Variants in ASIP observed in about 807,000 individuals in gnomAD.
The protein encoded by ASIP is agouti signaling protein, also known as agouti-signaling protein.
A neutral mutation model predicts 10.3 loss-of-function variants in ASIP; 11 were observed. The ratio of observed to expected loss-of-function variants is 1.07; its 90% CI spans 0.68 to 1.78. The LOEUF (loss-of-function observed/expected upper bound fraction) is 1.78, where lower values mean the gene tolerates loss of function less well. Among genes scored for constraint, ASIP ranks in the 40% most tolerant of loss-of-function variants. The probability of loss-of-function intolerance (pLI) is 0.00; values close to 1 mark genes in which losing one functional copy is unlikely to be tolerated. For missense variants in ASIP, 180 were observed against 169.2 expected (o/e 1.06, Z -0.35); for synonymous variants, 70 against 70.8 (o/e 0.99, Z 0.06).
At chr20:34,234,014 G>T (rs988145106) in intron 1 of ASIP, among the ~76,000 whole-genome samples, 5 of 152,198 alleles carry the variant, frequency 3.3e-5, no homozygotes, top group African/African-American at 1.2e-4. Context: ...GGCATGTAGT[G>T]GTAGCTTCTG....
chr20:34,252,395 A>C (rs985210759), intron 1 of ASIP, among the ~76,000 whole-genome samples: 4 of 152,212 alleles, frequency 2.6e-5, no homozygotes, highest in Admixed American at 6.5e-5. Flanking sequence ...ATCATGAGTA[A>C]GTTCAAGGAA....
intron 1 of ASIP, among the ~76,000 whole-genome samples, chr20:34,258,696 C>CTA (rs1172839433): frequency 0.02 from 238 of 11,642 alleles, 3 homozygotes; most frequent in Non-Finnish European, 0.046. Flanking sequence ...TATATACATA[C>CTA]TATATATATA....
chr20:34,235,891 AAGGAAGGAAAGGAAGG>A (rs1234686591), intron 1 of ASIP, among the ~76,000 whole-genome samples: 1 of 97,662 alleles, frequency 1.0e-5, no homozygotes, highest in East Asian at 3.6e-4. Flanking sequence ...GGAAGGAAGG[AAGGAAGGAAAGGAAGG>A]AAGGAAGGAA....
At chr20:34,262,566 G>C (rs2122667056) in intron 2 of ASIP, among the ~76,000 whole-genome samples, 1 of 152,338 alleles carries the variant, frequency 6.6e-6, no homozygotes, top group South Asian at 2.1e-4. Context: ...GGCCCCACAA[G>C]AGTGTCACAG....
rs34524786 is a variant in ASIP at position 34,196,173 on chromosome 20, C to CTTTT, written c.-11+1434_-11+1437dup. Among the ~76,000 whole-genome samples the CTTTT allele has an allele frequency of 1.7e-3, 140 of 83,674 alleles. 5 individuals carry two copies. The highest frequency in any genetic ancestry group is 4.4e-3 in the African/African-American group (90 of 20,330). The allele number at this position is 83,674 out of a possible 152,430, so 54.9% of individuals were successfully genotyped here. ...GAACTCTCATTGAAAAGGGAGATTT[C>CTTTT]TTTTTTTTTTTTTTTTTTTTTTTTG... On this transcript the variant is annotated intron_variant, in intron 1 of 3. Coordinates refer to the ASIP transcript ENST00000568305.
chr20:34,241,340 G>A (rs1568759136), upstream of ASIP: 1 of 559,782 alleles, frequency 1.8e-6, no homozygotes, highest in Non-Finnish European at 2.3e-6. Context: ...TCCTGCCTGT[G>A]AGATGTGGTG....
chr20:34,217,226 G>A (rs1601575577), intron 1 of ASIP, among the ~76,000 whole-genome samples: 2 of 152,038 alleles, frequency 1.3e-5, no homozygotes, highest in South Asian at 4.2e-4. Context: ...TCACTTGAGC[G>A]CAGGAATTCA....
At chr20:34,220,452 C>T (rs553848804) in intron 1 of ASIP, among the ~76,000 whole-genome samples, 5 of 152,024 alleles carry the variant, frequency 3.3e-5, no homozygotes, top group South Asian at 2.1e-4. Flanking sequence ...AAAAATTAGC[C>T]GGGTGTGGTG....
upstream of ASIP, among the ~76,000 whole-genome samples, chr20:34,240,311 T>G (rs1443793076): frequency 6.6e-6 from 1 of 152,144 alleles, no homozygotes; most frequent in East Asian, 1.9e-4. Context: ...AAAATTTAAT[T>G]CATGGAGCAG....
At chr20:34,249,016 C>G (rs912227800) in intron 1 of ASIP, among the ~76,000 whole-genome samples, 25 of 150,794 alleles carry the variant, frequency 1.7e-4, no homozygotes, top group Non-Finnish European at 3.5e-4. Flanking sequence ...GTAGTCCCAG[C>G]TACTAGGGAG....
At chr20:34,207,515 C>T (rs909237054) in intron 1 of ASIP, among the ~76,000 whole-genome samples, 1 of 152,082 alleles carries the variant, frequency 6.6e-6, no homozygotes, top group Admixed American at 6.6e-5. Context: ...CTTTGCTGTG[C>T]AGGTTTTTGC....
intron 1 of ASIP, among the ~76,000 whole-genome samples, chr20:34,251,658 T>A (rs567115083): frequency 6.6e-6 from 1 of 152,298 alleles, no homozygotes; most frequent in African/African-American, 2.4e-5. Flanking sequence ...ATGTTCTGAA[T>A]GTTTATGCCC....
chr20:34,262,269 A>C (rs2035706841), intron 2 of ASIP, among the ~76,000 whole-genome samples: 1 of 152,242 alleles, frequency 6.6e-6, no homozygotes, highest in Non-Finnish European at 1.5e-5. Flanking sequence ...TGCAAGGCAG[A>C]TATTATGGAA....
intron 1 of ASIP, chr20:34,215,744 T>A: frequency 6.8e-7 from 1 of 1,472,680 alleles, no homozygotes; most frequent in Non-Finnish European, 9.5e-7. Flanking sequence ...CTTTACATGA[T>A]CATCACTATA....
chr20:34,198,723 C>A (rs959417007), intron 1 of ASIP, among the ~76,000 whole-genome samples: 1 of 152,122 alleles, frequency 6.6e-6, no homozygotes, highest in African/African-American at 2.4e-5. Flanking sequence ...AAGTGAACCT[C>A]CCACCTCAAC....
chr20:34,246,306 T>G, intron 1 of ASIP: 8 of 1,550,680 alleles, frequency 5.2e-6, no homozygotes, highest in Non-Finnish European at 7.0e-6. Context: ...CCCTCACTAA[T>G]TCCAGCTTCT....
In ASIP at chr20:34,262,826, T is replaced by C. The variant is rs112581222; in HGVS notation, c.161-6T>C. ...CTGACTTTGCTCCTTTTGTCTCTCTTTGAAGCGCTGAACAAGAAATCCAAA... is the reference window on the plus strand; with the variant it reads ...CTGACTTTGCTCCTTTTGTCTCTCTCTGAAGCGCTGAACAAGAAATCCAAA... On this transcript the variant is annotated splice_polypyrimidine_tract_variant and splice_region_variant and intron_variant, in intron 2 of 3. Coordinates refer to ENST00000374954, the MANE Select transcript of ASIP (RefSeq NM_001672.3). The C allele has an allele frequency of 6.2e-7, 1 of 1,613,756 alleles. No homozygotes were observed. The highest frequency in any genetic ancestry group is 2.2e-5 in the East Asian group (1 of 44,872).
At chr20:34,264,133 A>C (rs952747942) in intron 3 of ASIP, among the ~76,000 whole-genome samples, 2 of 152,248 alleles carry the variant, frequency 1.3e-5, no homozygotes, top group Non-Finnish European at 2.9e-5. Context: ...TACAATATAC[A>C]TAAATCTATT....
upstream of ASIP, among the ~76,000 whole-genome samples, chr20:34,238,277 G>A (rs1176809575): frequency 6.6e-6 from 1 of 152,068 alleles, no homozygotes; most frequent in Non-Finnish European, 1.5e-5. Context: ...AGACTTCTGA[G>A]AGAATGCATA....
Sources: allele counts gnomAD v4.1 joint callset (sites outside exome capture counted in the v4.1 genomes callset), GRCh38; gene constraint gnomAD v4.1.1; transcripts MANE v1.5; gene names NCBI Gene and HGNC (gene_info 2026-07-23, HGNC 2026-07-21).